FARP1: variants seen among roughly 807,000 people sequenced by gnomAD.
The protein encoded by FARP1 is FERM, ARHGEF and pleckstrin domain-containing protein 1.
In FARP1, 52 loss-of-function variants were observed where a neutral mutation model predicts 128.8. The observed-to-expected ratio is 0.40, with a 90% CI of 0.32 to 0.51. FARP1 has a LOEUF of 0.51. FARP1 is among the 20% of genes least tolerant of loss of function. The pLI is 0.45. For synonymous variants in FARP1, 580 were observed against 551.8 expected (o/e 1.05, Z -0.72); for missense variants, 1,333 against 1,367.9 (o/e 0.97, Z 0.40).
intron 2 of FARP1, among the ~76,000 whole-genome samples, chr13:98,330,591 C>T (rs1264702444): frequency 2.0e-5 from 3 of 151,990 alleles, no homozygotes; most frequent in Non-Finnish European, 4.4e-5. Flanking sequence ...CCCGTCTCTA[C>T]TAAGAATACA....
rs1355867758 is a variant in FARP1, at chr13:98,259,143, C to T, written c.171+45730C>T. Among the ~76,000 whole-genome samples, 4 of 152,034 alleles carry T rather than the reference C, an allele frequency of 2.6e-5. No individual in the cohort carries two copies. In the East Asian group the frequency reaches 5.8e-4, roughly 22 times the overall value. On this transcript the variant is annotated intron_variant, in intron 2 of 26. Transcript: ENST00000319562. ...GGAGGATTGCTCGAGCCTGGGAGGTCGAGGCTGCAGTGATCCATGGTTGTG... is the reference window on the plus strand; with the variant it reads ...GGAGGATTGCTCGAGCCTGGGAGGTTGAGGCTGCAGTGATCCATGGTTGTG...
chr13:98,258,420 A>T (rs1883716094), intron 2 of FARP1, among the ~76,000 whole-genome samples: 1 of 152,240 alleles, frequency 6.6e-6, no homozygotes, highest in Non-Finnish European at 1.5e-5. Flanking sequence ...GCATAGAGTT[A>T]TATCAAAATG....
intron 3 of FARP1, among the ~76,000 whole-genome samples, chr13:98,348,246 G>A (rs1169423930): frequency 1.3e-5 from 2 of 152,208 alleles, no homozygotes; most frequent in Non-Finnish European, 2.9e-5. Flanking sequence ...CTCTTGTCCT[G>A]CTCTTGCTCT....
intron 9 of FARP1, among the ~76,000 whole-genome samples, chr13:98,389,169 C>G (rs911558618): frequency 6.6e-6 from 1 of 152,102 alleles, no homozygotes; most frequent in Admixed American, 6.5e-5. Flanking sequence ...CATGGCCCGA[C>G]CTGGGAAGCA....
chr13:98,296,722 C>T (rs1437166899), intron 2 of FARP1, among the ~76,000 whole-genome samples: 2 of 134,096 alleles, frequency 1.5e-5, no homozygotes, highest in African/African-American at 2.7e-5. Flanking sequence ...GACAGAATCT[C>T]CCTCTGTCTG....
At chr13:98,364,212 T>C (rs1888990893) in intron 3 of FARP1, among the ~76,000 whole-genome samples, 1 of 152,234 alleles carries the variant, frequency 6.6e-6, no homozygotes, top group Non-Finnish European at 1.5e-5. Flanking sequence ...TAGTACTTTT[T>C]AGGGCTTAGG....
At chr13:98,297,441 A>G (rs914728487) in intron 2 of FARP1, among the ~76,000 whole-genome samples, 4 of 152,332 alleles carry the variant, frequency 2.6e-5, no homozygotes, top group Middle Eastern at 3.4e-3. Context: ...GGGATTCAAG[A>G]TTGGCTTTAA....
At chr13:98,360,415 T>C (rs1888823930) in intron 3 of FARP1, among the ~76,000 whole-genome samples, 2 of 152,118 alleles carry the variant, frequency 1.3e-5, no homozygotes. Flanking sequence ...GTGATTAAGT[T>C]AAAGCGAGGC....
intron 3 of FARP1, among the ~76,000 whole-genome samples, chr13:98,360,065 G>T (rs1282333243): frequency 1.3e-5 from 2 of 148,688 alleles, no homozygotes; most frequent in African/African-American, 5.0e-5. Context: ...TCCTCAGAAT[G>T]TGAGTGTATT....
chr13:98,405,094 C>G (rs146773004), intron 13 of FARP1: 3 of 152,164 alleles, frequency 2.0e-5, no homozygotes, highest in Non-Finnish European at 2.9e-5. Flanking sequence ...CCTTGAATAC[C>G]GGTACATGGT....
intron 1 of FARP1, among the ~76,000 whole-genome samples, chr13:98,185,779 C>T (rs985732880): frequency 4.6e-5 from 7 of 152,034 alleles, no homozygotes; most frequent in Non-Finnish European, 7.4e-5. Context: ...CTCACTGCAA[C>T]CTCCGCCTCC....
chr13:98,267,041 G>A (rs1319041769), intron 2 of FARP1, among the ~76,000 whole-genome samples: 1 of 144,454 alleles, frequency 6.9e-6, no homozygotes, highest in Non-Finnish European at 1.5e-5. Context: ...AAAAGGGGTG[G>A]TATACAAGTG....
In FARP1 at chr13:98,378,988, A is replaced by C. The variant is rs1229205774; in HGVS notation, c.496+1070A>C. Among the ~76,000 whole-genome samples, 27 of 84,332 alleles carry C rather than the reference A, an allele frequency of 3.2e-4. 5 individuals carry two copies. Among genetic ancestry groups the C allele is most frequent in the African/African-American group, 7.8e-4 (8 of 10,278 alleles). The allele number at this position is 84,332 out of a possible 152,430, so 55.3% of individuals were successfully genotyped here. ...ATACAATATATAATCTATATATAATATATATATAATATATACAATATATAA... is the reference window on the plus strand; with the variant it reads ...ATACAATATATAATCTATATATAATCTATATATAATATATACAATATATAA... On this transcript the variant is annotated intron_variant, in intron 6 of 26. Transcript: ENST00000319562.
intron 5 of FARP1, among the ~76,000 whole-genome samples, chr13:98,373,413 C>T (rs554940583): frequency 4.3e-4 from 65 of 152,240 alleles, no homozygotes; most frequent in South Asian, 8.3e-4. Context: ...AAGTGTTGGG[C>T]TCAAAAGACA....
chr13:98,395,812 C>G, intron 13 of FARP1: 1 of 402,406 alleles, frequency 2.5e-6, no homozygotes, highest in Non-Finnish European at 4.4e-6. Flanking sequence ...GCATAGCTCT[C>G]TCATAGATGA....
chr13:98,443,160 T>A (rs1268243611), intron 24 of FARP1, among the ~76,000 whole-genome samples: 5 of 152,238 alleles, frequency 3.3e-5, no homozygotes, highest in Non-Finnish European at 5.9e-5. Context: ...TTTTAATGGC[T>A]GCTACATAAT....
intron 2 of FARP1, among the ~76,000 whole-genome samples, chr13:98,283,880 T>A (rs1246527735): frequency 6.6e-6 from 1 of 152,236 alleles, no homozygotes. Context: ...ATTTTCTGTT[T>A]GGAAGGGCAG....
At chr13:98,150,710 C>T (rs1875936680) in intron 1 of FARP1, among the ~76,000 whole-genome samples, 1 of 151,826 alleles carries the variant, frequency 6.6e-6, no homozygotes, top group African/African-American at 2.4e-5. Flanking sequence ...TACTGGATGG[C>T]GATGGAACAC....
intron 5 of FARP1, among the ~76,000 whole-genome samples, chr13:98,375,857 G>T (rs1594461148): frequency 1.3e-5 from 2 of 152,206 alleles, no homozygotes; most frequent in East Asian, 1.9e-4. Flanking sequence ...TTAAACTCCT[G>T]ACTTCAGGTG....
Sources: allele counts gnomAD v4.1 joint callset (sites outside exome capture counted in the v4.1 genomes callset), GRCh38; gene constraint gnomAD v4.1.1; transcripts MANE v1.5; gene names NCBI Gene and HGNC (gene_info 2026-07-23, HGNC 2026-07-21).